Variants in HHLA2 observed in about 807,000 individuals in gnomAD.
The protein encoded by HHLA2 is HHLA2 member of B7 family.
Under a neutral mutation model 45.9 loss-of-function variants are expected in HHLA2, and 48 were observed. That is an observed-to-expected ratio of 1.05 (90% CI 0.83 to 1.33). The LOEUF is 1.33. Ranked by LOEUF, HHLA2 falls within the 40% of genes most tolerant of loss-of-function variation. The pLI is 0.00. For synonymous variants in HHLA2, 161 were observed against 173.9 expected, an observed-to-expected ratio of 0.93 and a Z score of 0.59; for missense variants, 462 against 494.3, an observed-to-expected ratio of 0.93 and a Z score of 0.62.
chr3:108,355,919 C>T (rs180701874), intron 6 of HHLA2, among the ~76,000 whole-genome samples: 200 of 152,212 alleles, frequency 1.3e-3, no homozygotes, highest in Middle Eastern at 3.4e-3. Flanking sequence ...GCGCTCGTTC[C>T]TCTCATTTAT....
chr3:108,342,390 A>C (rs1481296117), intron 3 of HHLA2, among the ~76,000 whole-genome samples: 1 of 150,564 alleles, frequency 6.6e-6, no homozygotes, highest in Non-Finnish European at 1.5e-5. Flanking sequence ...CAGCCTCCTG[A>C]GTAGCTGGGA....
chr3:108,373,897 T>A (rs1428873855), intron 8 of HHLA2, among the ~76,000 whole-genome samples: 1 of 150,768 alleles, frequency 6.6e-6, no homozygotes, highest in Non-Finnish European at 1.5e-5. Context: ...AAAATGGCCA[T>A]ACTGCCCAAG....
At chr3:108,340,908 T>TTTTTTCC (rs1306101839) in intron 3 of HHLA2, among the ~76,000 whole-genome samples, 1 of 59,450 alleles carries the variant, frequency 1.7e-5, no homozygotes, top group African/African-American at 8.6e-5. Context: ...TTTTTTTTTT[T>TTTTTTCC]TTCCTTCCTT....
chr3:108,337,503 G>A (rs2081493802), intron 3 of HHLA2, among the ~76,000 whole-genome samples: 1 of 152,098 alleles, frequency 6.6e-6, no homozygotes, highest in Non-Finnish European at 1.5e-5. Flanking sequence ...TGTCTATGTG[G>A]AATCTATGTG....
At chr3:108,339,955 A>G (rs2081537092) in intron 3 of HHLA2, among the ~76,000 whole-genome samples, 1 of 152,224 alleles carries the variant, frequency 6.6e-6, no homozygotes, top group Non-Finnish European at 1.5e-5. Context: ...GACTTTGAAT[A>G]GTGAGCATGG....
exon 9 of HHLA2, chr3:108,375,763 C>A: frequency 6.2e-7 from 1 of 1,611,060 alleles, no homozygotes; most frequent in Non-Finnish European, 8.5e-7. Context: ...AGCTAGAAGC[C>A]AGGAGGAGCA....
At chr3:108,320,859 C>T (rs2081187118) in intron 2 of HHLA2, among the ~76,000 whole-genome samples, 1 of 152,064 alleles carries the variant, frequency 6.6e-6, no homozygotes, top group Non-Finnish European at 1.5e-5. Context: ...AAAGCAGGTA[C>T]TAACCACGTG....
chr3:108,351,097 G>C (rs2107452074), intron 3 of HHLA2, among the ~76,000 whole-genome samples: 1 of 152,130 alleles, frequency 6.6e-6, no homozygotes, highest in Non-Finnish European at 1.5e-5. Flanking sequence ...CTATCATCTG[G>C]GAAAATCAGT....
At chr3:108,332,727 C>T (rs959306854) in intron 3 of HHLA2, among the ~76,000 whole-genome samples, 2 of 152,146 alleles carry the variant, frequency 1.3e-5, no homozygotes, top group African/African-American at 4.8e-5. Flanking sequence ...GACATACAAA[C>T]AGGGAACTCT....
chr3:108,341,936 G>T (rs1371045770), intron 3 of HHLA2, among the ~76,000 whole-genome samples: 1 of 152,154 alleles, frequency 6.6e-6, no homozygotes, highest in Admixed American at 6.5e-5. Flanking sequence ...TCAAATCAAT[G>T]CTCTGAAAGT....
At chr3:108,362,564 G>A in intron 8 of HHLA2, 118 bp downstream of exon 7, 1 of 712,892 alleles carries the variant, frequency 1.4e-6, no homozygotes. Flanking sequence ...TTTCTGGAAT[G>A]TCATTCACAA....
At chr3:108,372,224 C>T (rs1486099031) in intron 8 of HHLA2, among the ~76,000 whole-genome samples, 34 of 152,162 alleles carry the variant, frequency 2.2e-4, no homozygotes, top group East Asian at 9.6e-4. Context: ...TCCTGAATGA[C>T]GACTGGGTAC....
At chr3:108,314,479 T>C (rs1287961738) in intron 2 of HHLA2, among the ~76,000 whole-genome samples, 1 of 152,130 alleles carries the variant, frequency 6.6e-6, no homozygotes, top group Non-Finnish European at 1.5e-5. Context: ...GATAAGAATA[T>C]TGTTGGGCAG....
intron 3 of HHLA2, among the ~76,000 whole-genome samples, chr3:108,345,748 A>G (rs1870009): frequency 0.68 from 102,918 of 152,118 alleles, 35,706 homozygotes; most frequent in African/African-American, 0.77. Flanking sequence ...AAAGCATCAT[A>G]CAGTTAAAAT....
At chr3:108,375,655 C>T (rs1576191467) in intron 8 of HHLA2, 95 bp from the exon 8 acceptor site, 1 of 1,441,682 alleles carries the variant, frequency 6.9e-7, no homozygotes, top group African/African-American at 1.4e-5. Context: ...GAGTGACTTT[C>T]AATTGAAGGA....
chr3:108,362,518 GC>G, intron 8 of HHLA2, 72 bp downstream of exon 7: 2 of 959,616 alleles, frequency 2.1e-6, no homozygotes, highest in African/African-American at 1.6e-5. Flanking sequence ...GGAAATACAT[GC>G]CCAAACAGCT....
chr3:108,338,739 TG>T (rs2081515931), intron 3 of HHLA2, among the ~76,000 whole-genome samples: 1 of 152,176 alleles, frequency 6.6e-6, no homozygotes, highest in South Asian at 2.1e-4. Context: ...TATTCACACC[TG>T]GATTAGTTAG....
chr3:108,310,320 G>T (rs2080998748), intron 1 of HHLA2, among the ~76,000 whole-genome samples: 1 of 152,042 alleles, frequency 6.6e-6, no homozygotes, highest in African/African-American at 2.4e-5. Flanking sequence ...ATTACCTTCA[G>T]GGGAAACATA....
chr3:108,359,197 A>C (rs1341716738), intron 7 of HHLA2, among the ~76,000 whole-genome samples: 1 of 152,194 alleles, frequency 6.6e-6, no homozygotes, highest in East Asian at 1.9e-4. Context: ...AAAATAGTCA[A>C]GAAGAAATGT....
Sources: allele counts gnomAD v4.1 joint callset (sites outside exome capture counted in the v4.1 genomes callset), GRCh38; gene constraint gnomAD v4.1.1; transcripts MANE v1.5; gene names NCBI Gene and HGNC (gene_info 2026-07-23, HGNC 2026-07-21).